DOCK3: variants seen among roughly 807,000 people sequenced by gnomAD.
DOCK3 encodes dedicator of cytokinesis protein 3.
A neutral mutation model predicts 265.6 loss-of-function variants in DOCK3; 60 were observed. The observed-to-expected ratio is 0.23, with a 90% CI of 0.18 to 0.28. The LOEUF is 0.28. Ranked by LOEUF, DOCK3 falls within the 10% of genes least tolerant of loss-of-function variation. DOCK3 has a pLI of 1.00. For synonymous variants in DOCK3, 881 were observed against 938.0 expected (o/e 0.94, Z 1.11); for missense variants, 1,981 against 2,594.3 (o/e 0.76, Z 5.14).
chr3:51,333,153 A>G lies in DOCK3; in HGVS notation c.3516-5A>G. ...TGTTTGCTTTCTCCACCCCTCCACCAATAGCCTGCTGGAGAAGGTTGAACA... is the reference window on the plus strand; with the variant it reads ...TGTTTGCTTTCTCCACCCCTCCACCGATAGCCTGCTGGAGAAGGTTGAACA... On this transcript the variant is annotated splice_polypyrimidine_tract_variant and splice_region_variant and intron_variant, in intron 34 of 52. Transcript: ENST00000266037. 1 of 1,613,964 alleles carries G rather than the reference A, an allele frequency of 6.2e-7. No homozygotes were observed. The highest frequency in any genetic ancestry group is 8.5e-7 in the Non-Finnish European group (1 of 1,179,880).
chr3:51,073,997 C>T (rs1284270160), intron 6 of DOCK3, among the ~76,000 whole-genome samples: 1 of 152,022 alleles, frequency 6.6e-6, no homozygotes, highest in Non-Finnish European at 1.5e-5. Flanking sequence ...GGATGTGCAC[C>T]TGATTTTATT....
chr3:51,367,618 G>T (rs2087312746), intron 49 of DOCK3, among the ~76,000 whole-genome samples: 1 of 152,220 alleles, frequency 6.6e-6, no homozygotes, highest in South Asian at 2.1e-4. Context: ...TGTTTTTGCA[G>T]TGGCTGGTAC....
rs192156444 is a variant in DOCK3, at chr3:51,296,527, A to G, written c.2923-13705A>G. On this transcript the variant is annotated intron_variant, in intron 27 of 52. Transcript: ENST00000266037. ...AGTCTTGCTCTGTTGCCTGGGCTGG[A>G]GTGCAGTGGCGCGATCTCGGCTCAC... Among the ~76,000 whole-genome samples the G allele has an allele frequency of 3.0e-3, 438 of 147,588 alleles. 3 individuals carry two copies. The highest frequency in any genetic ancestry group is 0.011 in the African/African-American group (417 of 39,610).
intron 5 of DOCK3, among the ~76,000 whole-genome samples, chr3:50,975,816 C>G (rs2077425381): frequency 6.6e-6 from 1 of 151,716 alleles, no homozygotes; most frequent in East Asian, 1.9e-4. Flanking sequence ...GCCACAATTT[C>G]AGATCCTGTT....
intron 51 of DOCK3, chr3:51,379,532 ATCCTGGC>A: frequency 1.0e-6 from 1 of 985,334 alleles, no homozygotes; most frequent in African/African-American, 1.7e-5. Flanking sequence ...TATGGGGCGC[ATCCTGGC>A]CCCCCCAGTG....
intron 1 of DOCK3, among the ~76,000 whole-genome samples, chr3:50,682,107 T>G (rs969593058): frequency 1.3e-5 from 2 of 152,216 alleles, no homozygotes; most frequent in Non-Finnish European, 2.9e-5. Flanking sequence ...ACTTTAGAAC[T>G]CTAAGAAATC....
rs528100968 is a variant in DOCK3, at chr3:50,946,034, G to A, written c.315+11957G>A. Among the ~76,000 whole-genome samples the A allele has an allele frequency of 2.0e-4, 28 of 142,900 alleles. No homozygotes were observed. The South Asian group carries it at 6.0e-3, about 30-fold the overall frequency. The allele number at this position is 142,900 out of a possible 152,430, so 93.7% of individuals were successfully genotyped here. ...TTGAGCCCAGGAGTTTAAGGCTGCTGTGAGCTATGATTGAGCTACTTTGCT... is the reference window on the plus strand; with the variant it reads ...TTGAGCCCAGGAGTTTAAGGCTGCTATGAGCTATGATTGAGCTACTTTGCT... On this transcript the variant is annotated intron_variant, in intron 5 of 52. Coordinates refer to ENST00000266037, the MANE Select transcript of DOCK3 (RefSeq NM_004947.5).
chr3:50,787,642 C>T, intron 2 of DOCK3: 2 of 1,296,690 alleles, frequency 1.5e-6, no homozygotes, highest in South Asian at 1.2e-5. Context: ...TGGCTCTGCA[C>T]TCTTCCTGCA....
chr3:50,912,040 C>T (rs2107931232), intron 4 of DOCK3, among the ~76,000 whole-genome samples: 1 of 152,124 alleles, frequency 6.6e-6, no homozygotes, highest in Middle Eastern at 3.4e-3. Flanking sequence ...TGCAACTTTA[C>T]TGAATTTGCC....
At chr3:51,040,269 A>G (rs950136837) in intron 5 of DOCK3, among the ~76,000 whole-genome samples, 1 of 151,580 alleles carries the variant, frequency 6.6e-6, no homozygotes, top group East Asian at 1.9e-4. Flanking sequence ...GACAAGGCAT[A>G]TCTTACTACC....
In DOCK3 at chr3:51,229,476, T is replaced by C. The variant is rs199772611; in HGVS notation, c.1820-36T>C. ...AAAAAAAAAAAAAGAATATCCAGGT[T>C]TCAAGGGTTCCTCATCTTTTGGGCT... On this transcript the variant is annotated intron_variant, in intron 18 of 52. Transcript: ENST00000266037. The C allele has an allele frequency of 2.4e-5, 36 of 1,484,544 alleles. No homozygotes were observed. In the African/African-American group the frequency reaches 4.3e-4, roughly 18 times the overall value. 92.0% of individuals were successfully genotyped at this position (1,484,544 alleles called of 1,614,324 possible).
intron 32 of DOCK3, among the ~76,000 whole-genome samples, chr3:51,319,591 G>A (rs1482053032): frequency 6.6e-6 from 1 of 152,072 alleles, no homozygotes; most frequent in Non-Finnish European, 1.5e-5. Flanking sequence ...AGTGGGCCAG[G>A]TGTGGTGGCT....
At chr3:50,763,558 C>T (rs2040664946) in intron 1 of DOCK3, among the ~76,000 whole-genome samples, 1 of 152,158 alleles carries the variant, frequency 6.6e-6, no homozygotes, top group Admixed American at 6.5e-5. Flanking sequence ...GCTGGGATTA[C>T]AGGTGTGAGC....
intron 27 of DOCK3, among the ~76,000 whole-genome samples, chr3:51,285,396 A>G (rs1026850420): frequency 6.6e-6 from 1 of 152,104 alleles, no homozygotes; most frequent in Non-Finnish European, 1.5e-5. Flanking sequence ...ATTCAAAATA[A>G]TGTTCATAAA....
intron 5 of DOCK3, among the ~76,000 whole-genome samples, chr3:51,058,268 A>G (rs1453976808): frequency 6.6e-6 from 1 of 152,200 alleles, no homozygotes; most frequent in Admixed American, 6.5e-5. Flanking sequence ...GAGCATATTC[A>G]GGGCCTGCCC....
chr3:50,909,106 G>A (rs543276274), intron 4 of DOCK3, among the ~76,000 whole-genome samples: 1 of 151,850 alleles, frequency 6.6e-6, no homozygotes, highest in Admixed American at 6.6e-5. Flanking sequence ...GCCTATGTAT[G>A]TCTTTGCACG....
At chr3:50,966,105 A>G (rs1370968012) in intron 5 of DOCK3, among the ~76,000 whole-genome samples, 1 of 151,954 alleles carries the variant, frequency 6.6e-6, no homozygotes, top group Non-Finnish European at 1.5e-5. Flanking sequence ...ATTTCACTTT[A>G]CATAATATCC....
At chr3:51,237,169 T>C (rs567660445) in intron 20 of DOCK3, among the ~76,000 whole-genome samples, 12 of 151,684 alleles carry the variant, frequency 7.9e-5, no homozygotes, top group Non-Finnish European at 1.2e-4. Flanking sequence ...CCTTATTGTT[T>C]ATGCCATCTA....
chr3:51,264,514 A>G (rs942770459), intron 23 of DOCK3, among the ~76,000 whole-genome samples: 2 of 152,072 alleles, frequency 1.3e-5, no homozygotes, highest in African/African-American at 4.8e-5. Context: ...GAGCATACAA[A>G]TTCAAAAGCT....
Sources: gnomAD v4.1 joint callset for allele counts (sites outside exome capture counted in the v4.1 genomes callset) on GRCh38, gnomAD v4.1.1 for gene constraint, MANE v1.5 for transcripts, NCBI Gene and HGNC (gene_info 2026-07-23, HGNC 2026-07-21) for gene names.